CSMD1: variants seen among roughly 807,000 people sequenced by gnomAD.
The protein encoded by CSMD1 is CUB and Sushi multiple domains 1.
CSMD1 carries 213 observed loss-of-function variants against 417.5 expected under a neutral mutation model. The observed-to-expected ratio is 0.51, with a 90% CI of 0.46 to 0.57. The LOEUF is 0.57. Among genes scored for constraint, CSMD1 ranks in the 20% least tolerant of loss-of-function variants. The pLI, the probability that CSMD1 is intolerant of heterozygous loss-of-function variation, is 0.00. For missense variants in CSMD1, 6,923 were observed against 4,529.7 expected, an observed-to-expected ratio of 1.53 and a Z score of -15.17; for synonymous variants, 2,862 against 1,736.8, an observed-to-expected ratio of 1.65 and a Z score of -16.11.
At chr8:4,456,029 CTCT>C (rs956477429) in intron 2 of CSMD1, among the ~76,000 whole-genome samples, 6 of 134,682 alleles carry the variant, frequency 4.5e-5, no homozygotes, top group Non-Finnish European at 7.8e-5. Context: ...GTCCATTCTC[CTCT>C]TCAAGTTCTT....
intron 1 of CSMD1, among the ~76,000 whole-genome samples, chr8:4,865,792 C>T (rs895297204): frequency 6.6e-6 from 1 of 151,782 alleles, no homozygotes; most frequent in Non-Finnish European, 1.5e-5. Context: ...CTATGCATTG[C>T]CCAGTTTTTT....
intron 12 of CSMD1, among the ~76,000 whole-genome samples, chr8:3,411,322 C>A (rs1013513019): frequency 1.7e-4 from 26 of 151,948 alleles, no homozygotes; most frequent in African/African-American, 5.1e-4. Context: ...AGAGCAAATT[C>A]TTTGTGGGGT....
intron 10 of CSMD1, among the ~76,000 whole-genome samples, chr8:3,509,026 C>A (rs929832169): frequency 6.6e-6 from 1 of 152,208 alleles, no homozygotes; most frequent in Admixed American, 6.5e-5. Context: ...TGCAAGCTAT[C>A]TGACCTTGGG....
At chr8:4,453,252 C>G (rs1799260249) in intron 2 of CSMD1, among the ~76,000 whole-genome samples, 3 of 150,964 alleles carry the variant, frequency 2.0e-5, no homozygotes, top group Admixed American at 2.0e-4. Flanking sequence ...CACTGAACCT[C>G]CTAGCTGTAC....
At chr8:3,492,586 C>G (rs1361523094) in intron 11 of CSMD1, among the ~76,000 whole-genome samples, 1 of 152,184 alleles carries the variant, frequency 6.6e-6, no homozygotes, top group Admixed American at 6.5e-5. Flanking sequence ...GAAGTACACC[C>G]TCAAATCATT....
At chr8:3,744,628 T>C (rs978357878) in intron 6 of CSMD1, among the ~76,000 whole-genome samples, 4 of 152,238 alleles carry the variant, frequency 2.6e-5, no homozygotes, top group South Asian at 2.1e-4. Flanking sequence ...GTGTACATTG[T>C]AATGCTTCAA....
intron 3 of CSMD1, among the ~76,000 whole-genome samples, chr8:4,178,383 C>T (rs556349553): frequency 2.8e-4 from 42 of 150,530 alleles, no homozygotes; most frequent in Middle Eastern, 3.4e-3. Context: ...TTCAACAACC[C>T]TTCATGCTAA....
chr8:3,376,336 T>A (rs564978957), intron 18 of CSMD1, among the ~76,000 whole-genome samples: 4 of 152,100 alleles, frequency 2.6e-5, no homozygotes, highest in African/African-American at 9.7e-5. Flanking sequence ...AACAAATTTG[T>A]CTGAAAACAT....
intron 5 of CSMD1, among the ~76,000 whole-genome samples, chr8:3,873,719 A>T (rs1224654910): frequency 6.6e-6 from 1 of 152,222 alleles, no homozygotes; most frequent in South Asian, 2.1e-4. Flanking sequence ...AAATAAATAA[A>T]TAAAAAGCCT....
intron 5 of CSMD1, among the ~76,000 whole-genome samples, chr8:3,928,887 G>A (rs186237947): frequency 6.9e-6 from 1 of 145,072 alleles, no homozygotes; most frequent in East Asian, 2.1e-4. Context: ...TTCCACTGTT[G>A]CTTATCAGTG....
intron 1 of CSMD1, among the ~76,000 whole-genome samples, chr8:4,745,579 C>T (rs575713997): frequency 4.7e-4 from 71 of 151,938 alleles, no homozygotes; most frequent in Non-Finnish European, 8.5e-4. Flanking sequence ...GCAGACATTT[C>T]TTAGATGCTA....
intron 49 of CSMD1, among the ~76,000 whole-genome samples, chr8:3,083,392 G>C (rs1814251183): frequency 6.6e-6 from 1 of 151,158 alleles, no homozygotes; most frequent in Non-Finnish European, 1.5e-5. Context: ...TTGATAATCA[G>C]AGTGCTTTCT....
intron 3 of CSMD1, among the ~76,000 whole-genome samples, chr8:4,393,258 G>A (rs1486866874): frequency 2.6e-5 from 4 of 152,142 alleles, no homozygotes; most frequent in African/African-American, 7.2e-5. Context: ...TTACAGGCGT[G>A]AGCCACCCCA....
chr8:3,951,277 C>T (rs1370662155), intron 5 of CSMD1, among the ~76,000 whole-genome samples: 2 of 152,138 alleles, frequency 1.3e-5, no homozygotes, highest in Admixed American at 1.3e-4. Context: ...TCCTCCTCAG[C>T]CCTGGCCCAC....
intron 3 of CSMD1, among the ~76,000 whole-genome samples, chr8:4,278,219 G>C (rs531766399): frequency 6.6e-6 from 1 of 152,184 alleles, no homozygotes; most frequent in East Asian, 1.9e-4. Flanking sequence ...AGCCAAGCTT[G>C]GTAAGTGTTC....
chr8:3,939,264 C>G (rs749818624), intron 5 of CSMD1, among the ~76,000 whole-genome samples: 3 of 152,034 alleles, frequency 2.0e-5, no homozygotes, highest in Non-Finnish European at 4.4e-5. Flanking sequence ...AAAAAATGCT[C>G]AACATCATTA....
chr8:4,399,661 T>C (rs989562254), intron 3 of CSMD1, among the ~76,000 whole-genome samples: 1 of 152,152 alleles, frequency 6.6e-6, no homozygotes, highest in Admixed American at 6.6e-5. Context: ...GCACATATTG[T>C]AGTCTGCAGC....
At chr8:4,465,239 G>A (rs1176125675) in intron 2 of CSMD1, among the ~76,000 whole-genome samples, 2 of 152,162 alleles carry the variant, frequency 1.3e-5, no homozygotes, top group African/African-American at 2.4e-5. Context: ...TGAAGTTTGA[G>A]TATGTGTCTC....
intron 5 of CSMD1, among the ~76,000 whole-genome samples, chr8:3,856,858 C>G (rs979314582): frequency 1.3e-5 from 2 of 152,140 alleles, no homozygotes; most frequent in African/African-American, 4.8e-5. Context: ...CACAGCAGAT[C>G]CAGCATGGAC....
Sources: gnomAD v4.1 joint callset for allele counts (sites outside exome capture counted in the v4.1 genomes callset) on GRCh38, gnomAD v4.1.1 for gene constraint, MANE v1.5 for transcripts, NCBI Gene and HGNC (gene_info 2026-07-23, HGNC 2026-07-21) for gene names.